Variants in MTX2 observed in about 807,000 individuals in gnomAD.
MTX2 encodes the protein metaxin-2.
MTX2 carries 35 observed loss-of-function variants against 42.3 expected under a neutral mutation model. The observed-to-expected ratio is 0.83, with a 90% confidence interval of 0.63 to 1.10. The LOEUF is 1.10. MTX2 is among the 50% of genes least tolerant of loss of function. The pLI is 0.00. For missense variants in MTX2, 307 were observed against 304.1 expected, an observed-to-expected ratio of 1.01 and a Z score of -0.07; for synonymous variants, 119 against 100.9, an observed-to-expected ratio of 1.18 and a Z score of -1.08.
intron 9 of MTX2, among the ~76,000 whole-genome samples, chr2:176,335,072 A>ATC (rs563141710): frequency 4.8e-4 from 73 of 152,098 alleles, no homozygotes; most frequent in African/African-American, 1.7e-3. Flanking sequence ...GGTATTAATT[A>ATC]TCAAATGTAG....
At chr2:176,275,570 ATAT>A (rs1692927852) in intron 1 of MTX2, among the ~76,000 whole-genome samples, 1 of 152,152 alleles carries the variant, frequency 6.6e-6, no homozygotes, top group Non-Finnish European at 1.5e-5. Flanking sequence ...ATAGACCTGG[ATAT>A]TATTAAAAAT....
At chr2:176,318,788 A>G (rs1684506347) in intron 3 of MTX2, among the ~76,000 whole-genome samples, 1 of 152,206 alleles carries the variant, frequency 6.6e-6, no homozygotes, top group Non-Finnish European at 1.5e-5. Flanking sequence ...TTATATATCC[A>G]TGCTGTCTGA....
intron 1 of MTX2, among the ~76,000 whole-genome samples, chr2:176,269,883 C>T (rs138150394): frequency 6.6e-6 from 1 of 152,074 alleles, no homozygotes; most frequent in East Asian, 1.9e-4. Flanking sequence ...GCAGGAGTCC[C>T]GTCTCCTTCC....
intron 1 of MTX2, among the ~76,000 whole-genome samples, chr2:176,282,930 C>G (rs149253878): frequency 0.01 from 1,597 of 152,260 alleles, 29 homozygotes; most frequent in African/African-American, 0.037. Context: ...TCTCGAACTG[C>G]TGACCTGGTG....
intron 1 of MTX2, among the ~76,000 whole-genome samples, chr2:176,291,494 A>G (rs1693327531): frequency 6.6e-6 from 1 of 152,180 alleles, no homozygotes; most frequent in Non-Finnish European, 1.5e-5. Context: ...GGAGAAGATA[A>G]ACAAATACTT....
At chr2:176,314,337 T>G (rs1684386538) in intron 3 of MTX2, among the ~76,000 whole-genome samples, 1 of 151,886 alleles carries the variant, frequency 6.6e-6, no homozygotes. Flanking sequence ...CTTGGGAGGC[T>G]GAGGCATGAG....
At chr2:176,337,343 A>G (rs955245095) in intron 9 of MTX2, 150 bp from the exon 10 acceptor site, 7 of 587,088 alleles carry the variant, frequency 1.2e-5, no homozygotes, top group Non-Finnish European at 1.7e-5. Context: ...TGCTTGGCCT[A>G]TATTGTTATT....
chr2:176,308,900 G>A (rs774209083), intron 3 of MTX2, among the ~76,000 whole-genome samples: 45 of 152,018 alleles, frequency 3.0e-4, no homozygotes, highest in Non-Finnish European at 6.3e-4. Context: ...TTTCAGATCC[G>A]CTCTGATCTT....
intron 9 of MTX2, among the ~76,000 whole-genome samples, chr2:176,336,757 T>C (rs1684995089): frequency 6.6e-6 from 1 of 152,144 alleles, no homozygotes; most frequent in Non-Finnish European, 1.5e-5. Context: ...TTTTTCCATA[T>C]AGCAGAAACT....
At chr2:176,320,782 C>T (rs1558941140) in intron 3 of MTX2, among the ~76,000 whole-genome samples, 1 of 151,246 alleles carries the variant, frequency 6.6e-6, no homozygotes, top group African/African-American at 2.4e-5. Context: ...GCAGCCTTGA[C>T]CTCCCAGGTT....
At chr2:176,312,313 G>C (rs185671173) in intron 3 of MTX2, among the ~76,000 whole-genome samples, 78 of 152,138 alleles carry the variant, frequency 5.1e-4, no homozygotes, top group African/African-American at 1.9e-3. Flanking sequence ...TGTTTATTGA[G>C]ACTTTATTGT....
chr2:176,293,445 G>A (rs922276343), intron 1 of MTX2, among the ~76,000 whole-genome samples: 2 of 152,134 alleles, frequency 1.3e-5, no homozygotes, highest in African/African-American at 2.4e-5. Flanking sequence ...TGTAATCCCC[G>A]TTGTTGGAGG....
rs182527218 is a variant in MTX2, at chr2:176,326,870, T to C, written c.254T>C (p.Leu85Pro). ...GTGGGAAATCAAGTAGTATCAGAAC[T>C]TGGTCCAATAGTCCAATTTGTTAAA... is the stretch of plus-strand genomic sequence containing the variant. ...IHVGNQVVSE[L>P]GPIVQFVKAK... is the part of the protein sequence containing the mutation. Residue 85 changes from leucine (L) to proline (P), a missense_variant, in exon 5 of 10, where the codon CTT becomes CCT. Physicochemically the swap from Leu to Pro is moderately conservative, Grantham distance 98. Coordinates refer to ENST00000249442, the MANE Select transcript of MTX2 (RefSeq NM_006554.5). 3.9e-5 allele frequency: 62 copies of C among 1,576,726 alleles called. No individual in the cohort carries two copies. The East Asian group carries it at 1.3e-3, about 33-fold the overall frequency.
chr2:176,312,906 G>T (rs1575052596), intron 3 of MTX2, among the ~76,000 whole-genome samples: 1 of 148,568 alleles, frequency 6.7e-6, no homozygotes, highest in African/African-American at 2.5e-5. Flanking sequence ...AAGTACTTTT[G>T]GTTATTTTCC....
chr2:176,287,691 G>A (rs1693239239), intron 1 of MTX2, among the ~76,000 whole-genome samples: 1 of 152,078 alleles, frequency 6.6e-6, no homozygotes, highest in Non-Finnish European at 1.5e-5. Context: ...AATAGTTCTG[G>A]TCTGAATCTT....
At chr2:176,312,105 G>C (rs749814413) in intron 3 of MTX2, among the ~76,000 whole-genome samples, 1 of 152,146 alleles carries the variant, frequency 6.6e-6, no homozygotes, top group African/African-American at 2.4e-5. Flanking sequence ...CAGTATCAAC[G>C]TATTGATATT....
chr2:176,323,434 A>C lies in MTX2; in HGVS notation c.178A>C (p.Arg60=). 2 of 1,611,408 alleles carry C rather than the reference A, an allele frequency of 1.2e-6. No individual in the cohort carries two copies. The highest frequency in any genetic ancestry group is 1.7e-6 in the Non-Finnish European group (2 of 1,178,264). ...TAACTTGCCTATCAAAGTAGTTTGT[A>C]GGGCAAATGCAGAATATATGTCTCC... ...MCNLPIKVVC[R]ANAEYMSPSG... Residue 60 remains arginine (R), a synonymous_variant, in exon 4 of 10, where the codon AGG becomes CGG. Transcript: ENST00000249442.
intron 3 of MTX2, among the ~76,000 whole-genome samples, chr2:176,317,038 TA>T (rs1225860273): frequency 3.0e-4 from 43 of 144,306 alleles, no homozygotes; most frequent in East Asian, 1.6e-3. Context: ...GTGTCTTTTT[TA>T]AAAAAAAAAA....
At position 176,287,857 on chromosome 2, in the gene MTX2, T is replaced by G. The variant is rs575607467; in HGVS notation, c.41-9003T>G. On this transcript the variant is annotated intron_variant, in intron 1 of 9. Coordinates refer to ENST00000249442, the MANE Select transcript of MTX2 (RefSeq NM_006554.5). ...ATCTACACCTGCTTGCAAATGTGTT[T>G]TTTAAGTAGCCTTACCACTGTGCTA... Among the ~76,000 whole-genome samples, 3 of 152,202 alleles carry G rather than the reference T, an allele frequency of 2.0e-5. No individual in the cohort carries two copies. The South Asian group carries it at 6.2e-4, about 32-fold the overall frequency.
Sources: allele counts gnomAD v4.1 joint callset (sites outside exome capture counted in the v4.1 genomes callset), GRCh38; gene constraint gnomAD v4.1.1; transcripts MANE v1.5; gene names NCBI Gene and HGNC (gene_info 2026-07-23, HGNC 2026-07-21).